Variants in GHR observed in about 807,000 individuals in gnomAD.
The protein encoded by GHR is growth hormone receptor.
A neutral mutation model predicts 67.1 loss-of-function variants in GHR; 35 were observed. That is an observed-to-expected ratio of 0.52 (90% CI 0.40 to 0.69). The LOEUF is 0.69. Among genes scored for constraint, GHR ranks in the 30% least tolerant of loss-of-function variants. GHR has a pLI of 0.00. For synonymous variants in GHR, 272 were observed against 269.1 expected, an observed-to-expected ratio of 1.01 and a Z score of -0.10; for missense variants, 792 against 764.6, an observed-to-expected ratio of 1.04 and a Z score of -0.42.
intron 3 of GHR, among the ~76,000 whole-genome samples, chr5:42,657,383 T>A (rs1283647948): frequency 6.6e-6 from 1 of 152,144 alleles, no homozygotes; most frequent in African/African-American, 2.4e-5. Flanking sequence ...GTTTTTAGAG[T>A]CCTTTTTAAT....
intron 3 of GHR, among the ~76,000 whole-genome samples, chr5:42,636,410 T>C (rs1487038970): frequency 6.6e-6 from 1 of 152,192 alleles, no homozygotes; most frequent in African/African-American, 2.4e-5. Context: ...TGGTGAACAC[T>C]TTTTAGTAAC....
chr5:42,528,799 C>G (rs543655666), intron 1 of GHR, among the ~76,000 whole-genome samples: 102 of 152,216 alleles, frequency 6.7e-4, no homozygotes, highest in Non-Finnish European at 1.3e-3. Flanking sequence ...CACAGCCACC[C>G]CAGACTTCAG....
chr5:42,528,516 C>T (rs1301955254), intron 1 of GHR, among the ~76,000 whole-genome samples: 2 of 152,182 alleles, frequency 1.3e-5, no homozygotes, highest in African/African-American at 4.8e-5. Context: ...GGAATCACTT[C>T]TTATGGATGA....
intron 1 of GHR, among the ~76,000 whole-genome samples, chr5:42,500,906 G>T (rs1333189391): frequency 6.6e-6 from 1 of 152,216 alleles, no homozygotes; most frequent in Non-Finnish European, 1.5e-5. Context: ...AGACAAAGAT[G>T]TGTGAGGTAC....
At chr5:42,440,306 G>A (rs1314584672) in intron 1 of GHR, among the ~76,000 whole-genome samples, 1 of 152,132 alleles carries the variant, frequency 6.6e-6, no homozygotes, top group African/African-American at 2.4e-5. Flanking sequence ...ACTTGACTCA[G>A]GTTGGTATAT....
At chr5:42,477,479 A>T (rs1745390293) in intron 1 of GHR, among the ~76,000 whole-genome samples, 1 of 152,176 alleles carries the variant, frequency 6.6e-6, no homozygotes, top group Non-Finnish European at 1.5e-5. Flanking sequence ...CAGTGGTTGA[A>T]CTAGTTTACA....
chr5:42,493,859 T>TC (rs1447102209), intron 1 of GHR, among the ~76,000 whole-genome samples: 1 of 152,178 alleles, frequency 6.6e-6, no homozygotes, highest in Non-Finnish European at 1.5e-5. Flanking sequence ...CTGCAAACCC[T>TC]CCATTACAGT....
Position 42,588,526 on chromosome 5 carries a change from CAAAAAA to C in GHR, c.70+22602_70+22607del, listed in dbSNP as rs10716908. 1.1e-4 allele frequency among the ~76,000 whole-genome samples: 5 copies of C among 45,142 alleles called. 1 individual carries two copies. In the South Asian group the frequency reaches 3.4e-3, roughly 31 times the overall value. 29.6% of individuals were successfully genotyped at this position (45,142 alleles called of 152,430 possible). A position where few individuals can be genotyped will look rare whatever the true frequency, so the allele number is the denominator to read the frequency against. ...GGGCAGCAAAAGCGAAACTCCATCT[CAAAAAA>C]AAAAAAAAAAAAAAAAAAAGTGACC... is the stretch of plus-strand genomic sequence containing the variant. On this transcript the variant is annotated intron_variant, in intron 2 of 9. Transcript: ENST00000230882.
At chr5:42,565,530 AG>A (rs1224714703) in intron 1 of GHR, 11 of 985,270 alleles carry the variant, frequency 1.1e-5, no homozygotes, top group Non-Finnish European at 1.3e-5. Flanking sequence ...ATCAAATTAA[AG>A]CAAACCTTAC....
intron 1 of GHR, among the ~76,000 whole-genome samples, chr5:42,429,643 T>C (rs927655167): frequency 1.3e-5 from 2 of 152,252 alleles, no homozygotes; most frequent in Non-Finnish European, 2.9e-5. Context: ...CATGCCTGAA[T>C]GTACTATAAA....
In GHR at chr5:42,529,302, C is replaced by T. The variant is rs574734648; in HGVS notation, c.-11-36562C>T. 5.3e-5 allele frequency among the ~76,000 whole-genome samples: 8 copies of T among 152,226 alleles called. No individual in the cohort carries two copies. The South Asian group carries it at 1.2e-3, about 24-fold the overall frequency. On this transcript the variant is annotated intron_variant, in intron 1 of 9. Transcript: ENST00000230882. ...CTGGTATTACAGGTGTGAGCCACCG[C>T]GCCTGGCCAGACATAACTTTTATAT... is the stretch of plus-strand genomic sequence containing the variant.
intron 1 of GHR, among the ~76,000 whole-genome samples, chr5:42,425,235 T>C (rs1742801228): frequency 2.0e-5 from 3 of 152,154 alleles, no homozygotes; most frequent in African/African-American, 7.2e-5. Context: ...GTACAGAACT[T>C]CGGAGACAGA....
At chr5:42,611,593 G>C (rs955752898) in intron 2 of GHR, among the ~76,000 whole-genome samples, 5 of 152,130 alleles carry the variant, frequency 3.3e-5, no homozygotes, top group African/African-American at 1.2e-4. Context: ...GAATTTAGTA[G>C]AAGAGGAACA....
At chr5:42,574,724 G>C (rs1009875736) in intron 2 of GHR, among the ~76,000 whole-genome samples, 4 of 152,142 alleles carry the variant, frequency 2.6e-5, no homozygotes, top group Admixed American at 2.6e-4. Context: ...CAAAATAGAA[G>C]AATATTAAGA....
At chr5:42,481,484 T>C (rs1328709751) in intron 1 of GHR, among the ~76,000 whole-genome samples, 2 of 152,226 alleles carry the variant, frequency 1.3e-5, no homozygotes, top group Non-Finnish European at 2.9e-5. Flanking sequence ...GCAGAGTGTT[T>C]TCCAACTTGG....
intron 3 of GHR, among the ~76,000 whole-genome samples, chr5:42,676,157 C>G (rs977228260): frequency 1.3e-5 from 2 of 152,058 alleles, no homozygotes; most frequent in Non-Finnish European, 2.9e-5. Context: ...TGGTGGCACA[C>G]GCCTGTAGTC....
chr5:42,478,964 G>A lies in GHR; in HGVS notation c.-12+55009G>A, dbSNP rs143014372. On this transcript the variant is annotated intron_variant, in intron 1 of 9. Coordinates refer to ENST00000230882, the MANE Select transcript of GHR (RefSeq NM_000163.5). Reference sequence around the variant, plus strand: ...GAAAGGGCATCCCTGTTTTGTGCCCGTTTTCAAAGGGAATGTTTCCAGTTT... The same window carrying A: ...GAAAGGGCATCCCTGTTTTGTGCCCATTTTCAAAGGGAATGTTTCCAGTTT... Among the ~76,000 whole-genome samples the A allele has an allele frequency of 6.7e-3, 1,026 of 152,252 alleles. 14 individuals are homozygous for A. The highest frequency in any genetic ancestry group is 0.023 in the African/African-American group (974 of 41,548).
chr5:42,587,798 G>A (rs1402693154), intron 2 of GHR, among the ~76,000 whole-genome samples: 1 of 151,940 alleles, frequency 6.6e-6, no homozygotes, highest in Non-Finnish European at 1.5e-5. Flanking sequence ...GGGACCATAT[G>A]CCCTCCCCGG....
chr5:42,425,664 G>T (rs2111860022), intron 1 of GHR, among the ~76,000 whole-genome samples: 1 of 152,306 alleles, frequency 6.6e-6, no homozygotes, highest in Middle Eastern at 3.4e-3. Context: ...TGGGCCTTTG[G>T]ATGGAGCTGG....
Sources: allele counts gnomAD v4.1 joint callset (sites outside exome capture counted in the v4.1 genomes callset), GRCh38; gene constraint gnomAD v4.1.1; transcripts MANE v1.5; gene names NCBI Gene and HGNC (gene_info 2026-07-23, HGNC 2026-07-21).